Variants in GRIK4 observed in about 807,000 individuals in gnomAD.
GRIK4 encodes the protein glutamate ionotropic receptor kainate type subunit 4, also known as glutamate receptor ionotropic, kainate 4.
GRIK4 carries 40 observed loss-of-function variants against 104.9 expected under a neutral mutation model. The ratio of observed to expected loss-of-function variants is 0.38; its 90% CI spans 0.30 to 0.50. GRIK4 has a LOEUF of 0.50. GRIK4 is among the 20% of genes least tolerant of loss of function. GRIK4 has a pLI of 0.93. For missense variants in GRIK4, 1,047 were observed against 1,308.1 expected (o/e 0.80, Z 3.08); for synonymous variants, 485 against 524.9 (o/e 0.92, Z 1.04).
chr11:120,943,859 T>C (rs909985016), intron 14 of GRIK4, among the ~76,000 whole-genome samples: 1 of 152,222 alleles, frequency 6.6e-6, no homozygotes, highest in East Asian at 1.9e-4. Flanking sequence ...TAATAAGTAG[T>C]GGCAAGTATG....
intron 18 of GRIK4, among the ~76,000 whole-genome samples, chr11:120,965,605 G>A (rs1944370782): frequency 6.6e-6 from 1 of 152,148 alleles, no homozygotes; most frequent in African/African-American, 2.4e-5. Context: ...TTGGGGTTTG[G>A]GCGTCCAAGC....
intron 20 of GRIK4, among the ~76,000 whole-genome samples, chr11:120,982,969 C>T (rs1417164307): frequency 6.6e-6 from 1 of 152,118 alleles, no homozygotes; most frequent in Non-Finnish European, 1.5e-5. Context: ...ACTTCCACGC[C>T]GTTGCCCATT....
intron 3 of GRIK4, among the ~76,000 whole-genome samples, chr11:120,744,432 T>C (rs1277649924): frequency 1.3e-5 from 2 of 152,184 alleles, no homozygotes; most frequent in Non-Finnish European, 1.5e-5. Flanking sequence ...TCGTACTAAA[T>C]AGGCAGGAAG....
At chr11:120,540,437 A>G (rs567381950) in intron 1 of GRIK4, among the ~76,000 whole-genome samples, 1 of 151,910 alleles carries the variant, frequency 6.6e-6, no homozygotes, top group South Asian at 2.1e-4. Context: ...CCTGGCCAAC[A>G]TGGCAAAACC....
chr11:120,598,795 G>C (rs4936522), intron 1 of GRIK4, among the ~76,000 whole-genome samples: 102,737 of 152,184 alleles, frequency 0.68, 35,098 homozygotes, highest in Non-Finnish European at 0.71. Flanking sequence ...AACTGAGCTG[G>C]CTTGGACCCT....
At chr11:120,632,207 G>A (rs994788458) in intron 1 of GRIK4, among the ~76,000 whole-genome samples, 2 of 152,122 alleles carry the variant, frequency 1.3e-5, no homozygotes, top group African/African-American at 4.8e-5. Context: ...TTTCCACCAT[G>A]TGAAGATACA....
intron 3 of GRIK4, among the ~76,000 whole-genome samples, chr11:120,678,944 TTTTG>T (rs1057354093): frequency 9.3e-4 from 141 of 152,040 alleles, no homozygotes; most frequent in African/African-American, 3.0e-3. Context: ...GGTTTTTTTT[TTTTG>T]TTTGTTTGTT....
At chr11:120,851,664 G>T (rs1953977216) in intron 8 of GRIK4, among the ~76,000 whole-genome samples, 1 of 152,154 alleles carries the variant, frequency 6.6e-6, no homozygotes, top group African/African-American at 2.4e-5. Context: ...TCTAAAAAGT[G>T]TCCAAGAGCT....
intron 3 of GRIK4, among the ~76,000 whole-genome samples, chr11:120,741,275 CTTTTTTTTTTTT>C (rs762543001): frequency 2.3e-4 from 25 of 106,884 alleles, no homozygotes; most frequent in African/African-American, 8.1e-4. Context: ...CGTGTGCTTT[CTTTTTTTTTTTT>C]TTTTTTTTTT....
At chr11:120,686,331 C>T (rs986547876) in intron 3 of GRIK4, among the ~76,000 whole-genome samples, 2 of 152,212 alleles carry the variant, frequency 1.3e-5, no homozygotes, top group African/African-American at 4.8e-5. Flanking sequence ...TATTATCAAC[C>T]CAATTCCAAA....
At chr11:120,794,093 G>A (rs372082759) in intron 3 of GRIK4, among the ~76,000 whole-genome samples, 3 of 137,758 alleles carry the variant, frequency 2.2e-5, no homozygotes, top group Admixed American at 1.4e-4. Context: ...GGTGAGGGGC[G>A]GGTGTTAGGG....
At chr11:120,671,164 C>T (rs10892596) in intron 3 of GRIK4, among the ~76,000 whole-genome samples, 24,741 of 152,090 alleles carry the variant, frequency 0.16, 2,258 homozygotes, top group South Asian at 0.23. Context: ...AGTAAACTTA[C>T]GTGTCCATAT....
intron 1 of GRIK4, among the ~76,000 whole-genome samples, chr11:120,627,776 G>C (rs11606452): frequency 0.19 from 29,039 of 152,176 alleles, 2,812 homozygotes; most frequent in South Asian, 0.22. Context: ...GATAAGCAGA[G>C]AGGGTCCCCA....
chr11:120,880,955 T>C lies in GRIK4; in HGVS notation c.1164+5712T>C, dbSNP rs192086677. On this transcript the variant is annotated intron_variant, in intron 11 of 20. Transcript: ENST00000527524. ...GGTTCCCTCAAGAGCTCATAATCTT[T>C]TGGGGAAGGCAAAAACTGCAGCCAG... is the stretch of plus-strand genomic sequence containing the variant. 5.3e-5 allele frequency among the ~76,000 whole-genome samples: 8 copies of C among 152,346 alleles called. No individual in the cohort carries two copies. In the East Asian group the frequency reaches 1.5e-3, roughly 29 times the overall value.
intron 1 of GRIK4, among the ~76,000 whole-genome samples, chr11:120,639,706 A>G (rs781608755): frequency 3.3e-5 from 5 of 152,050 alleles, no homozygotes; most frequent in Non-Finnish European, 5.9e-5. Context: ...TACCTTCCTC[A>G]TGTCTATCTG....
chr11:120,806,473 T>TA (rs1470788532), intron 4 of GRIK4, among the ~76,000 whole-genome samples: 1 of 152,124 alleles, frequency 6.6e-6, no homozygotes, highest in Non-Finnish European at 1.5e-5. Flanking sequence ...ATCATTAATT[T>TA]AAAAAAATGT....
At chr11:120,704,336 TA>T (rs1231998716) in intron 3 of GRIK4, among the ~76,000 whole-genome samples, 1 of 152,226 alleles carries the variant, frequency 6.6e-6, no homozygotes, top group Non-Finnish European at 1.5e-5. Context: ...CTGAGCATAT[TA>T]GGTTCTTAGG....
intron 3 of GRIK4, among the ~76,000 whole-genome samples, chr11:120,767,796 A>G (rs1288481520): frequency 6.6e-6 from 1 of 152,138 alleles, no homozygotes; most frequent in Non-Finnish European, 1.5e-5. Flanking sequence ...CCATTTATTA[A>G]AGAGACTATC....
At chr11:120,864,456 T>TG (rs1565400807) in intron 9 of GRIK4, among the ~76,000 whole-genome samples, 1 of 151,864 alleles carries the variant, frequency 6.6e-6, no homozygotes, top group Non-Finnish European at 1.5e-5. Context: ...TAGCCAGGAG[T>TG]GTCTCGATCT....
Sources: allele counts gnomAD v4.1 joint callset (sites outside exome capture counted in the v4.1 genomes callset), GRCh38; gene constraint gnomAD v4.1.1; transcripts MANE v1.5; gene names NCBI Gene and HGNC (gene_info 2026-07-23, HGNC 2026-07-21).